Variants in MGA observed in about 807,000 individuals in gnomAD.
MGA encodes the protein MAX dimerization protein MGA, also known as MAX gene-associated protein.
MGA carries 40 observed loss-of-function variants against 261.1 expected under a neutral mutation model. The ratio of observed to expected loss-of-function variants is 0.15; its 90% CI spans 0.12 to 0.20. MGA has a LOEUF of 0.20. MGA is among the 10% of genes least tolerant of loss of function. The pLI, the probability that MGA is intolerant of heterozygous loss-of-function variation, is 1.00. For missense variants in MGA, 3,397 were observed against 3,630.5 expected, an observed-to-expected ratio of 0.94 and a Z score of 1.65; for synonymous variants, 1,302 against 1,290.6, an observed-to-expected ratio of 1.01 and a Z score of -0.19.
chr15:41,640,338 G>A (rs954340284), intron 1 of MGA, among the ~76,000 whole-genome samples: 1 of 152,058 alleles, frequency 6.6e-6, no homozygotes, highest in African/African-American at 2.4e-5. Flanking sequence ...AGGAGTTGAG[G>A]TGCAACTTGG....
At chr15:41,634,698 T>C (rs1006955961) in intron 1 of MGA, among the ~76,000 whole-genome samples, 1 of 152,092 alleles carries the variant, frequency 6.6e-6, no homozygotes, top group African/African-American at 2.4e-5. Context: ...GGGATGAGTA[T>C]TGTGAGCTAA....
intron 2 of MGA, among the ~76,000 whole-genome samples, chr15:41,683,869 C>G (rs1269565373): frequency 6.6e-6 from 1 of 152,094 alleles, no homozygotes; most frequent in Admixed American, 6.5e-5. Flanking sequence ...GCGTGACCCA[C>G]CGTGCATGGC....
At chr15:41,722,121 AATTTTTTTTTTTTTT>A (rs2060973989) in intron 9 of MGA, among the ~76,000 whole-genome samples, 1 of 123,402 alleles carries the variant, frequency 8.1e-6, no homozygotes, top group Non-Finnish European at 1.6e-5. Context: ...AAAGTAGGCC[AATTTTTTTTTTTTTT>A]TTTTTTTTTT....
chr15:41,716,265 G>A (rs1399661444), intron 9 of MGA, among the ~76,000 whole-genome samples: 1 of 151,182 alleles, frequency 6.6e-6, no homozygotes, highest in African/African-American at 2.4e-5. Context: ...GGCTAACACG[G>A]TGAAACCCCG....
At chr15:41,755,981 T>C (rs1313415261) in intron 18 of MGA, among the ~76,000 whole-genome samples, 2 of 151,992 alleles carry the variant, frequency 1.3e-5, no homozygotes, top group Non-Finnish European at 1.5e-5. Flanking sequence ...ACTGTGCCAC[T>C]GTACTCCAGC....
At chr15:41,713,588 C>A (rs1464403588) in intron 9 of MGA, 92 bp downstream of exon 9, 15 of 1,364,936 alleles carry the variant, frequency 1.1e-5, no homozygotes, top group Non-Finnish European at 1.4e-5. Context: ...TAATCCCGAT[C>A]AATTATCCAA....
upstream of MGA, among the ~76,000 whole-genome samples, chr15:41,658,919 C>G (rs2057269532): frequency 6.6e-6 from 1 of 151,940 alleles, no homozygotes; most frequent in Non-Finnish European, 1.5e-5. Flanking sequence ...TATTTTAATG[C>G]TAAATCAACA....
Position 41,761,842 on chromosome 15 carries a change from C to G in MGA, c.7502C>G (p.Ser2501Cys), listed in dbSNP as rs762308325. ...AATATTCTGATACGGAAAGTATCGT[C>G]TCTTTCAGGTGAGATAAGTAAATAA... The change falls in exon 21 of 24, where the codon TCT becomes TGT. Residue 2501 changes from serine (S) to cysteine (C), a missense_variant. This residue lies in a region of MGA where 50 missense variants were observed against 121.5 expected (regional missense o/e 0.41). Transcript: ENST00000219905. The G allele has an allele frequency of 5.1e-6, 8 of 1,563,840 alleles. No individual in the cohort carries two copies. Among genetic ancestry groups the G allele is most frequent in the Non-Finnish European group, 7.0e-6 (8 of 1,147,820 alleles).
chr15:41,766,932 T>G lies in MGA; in HGVS notation c.8850T>G (p.Asn2950Lys). The stretch of plus-strand genomic sequence containing the variant: ...AGAAAGCTATTGATGGAGGGAAGAA[T>G]ACTTCTGGCCTCCCTGCAGAGCCCG... Residue 2950 changes from asparagine to lysine, a missense_variant, in exon 24 of 24, where the codon AAT (asparagine) becomes AAG (lysine). By Grantham distance (94) the Asn-to-Lys change is moderately conservative. This residue lies in a region of MGA where 647 missense variants were observed against 642.4 expected (regional missense o/e 1.01). Coordinates refer to ENST00000219905, the MANE Select transcript of MGA (RefSeq NM_001164273.2). 4 of 1,614,016 alleles carry G rather than the reference T, an allele frequency of 2.5e-6. No individual in the cohort carries two copies. The highest frequency in any genetic ancestry group is 3.4e-6 in the Non-Finnish European group (4 of 1,179,878).
At chr15:41,675,552 G>C (rs1317577396) in intron 2 of MGA, among the ~76,000 whole-genome samples, 2 of 152,028 alleles carry the variant, frequency 1.3e-5, no homozygotes, top group East Asian at 3.9e-4. Flanking sequence ...TTTTAAAAAA[G>C]ATTTATGTAG....
chr15:41,725,853 A>AAAAT, intron 9 of MGA, among the ~76,000 whole-genome samples: 1 of 24,244 alleles, frequency 4.1e-5, no homozygotes, highest in Non-Finnish European at 7.7e-5. Context: ...AAAAAAAAAA[A>AAAAT]AAATAAATAA....
At chr15:41,738,796 C>T (rs1293331589) in intron 13 of MGA, among the ~76,000 whole-genome samples, 1 of 152,172 alleles carries the variant, frequency 6.6e-6, no homozygotes, top group Non-Finnish European at 1.5e-5. Context: ...TGAAAAGTTA[C>T]AGTAAAGTCT....
intron 13 of MGA, among the ~76,000 whole-genome samples, chr15:41,737,746 C>T (rs907144695): frequency 2.0e-5 from 3 of 150,856 alleles, no homozygotes; most frequent in East Asian, 2.0e-4. Flanking sequence ...TTTGGGAGGC[C>T]GAGGTGGTGG....
At chr15:41,629,618 A>T (rs2056544198) in intron 1 of MGA, among the ~76,000 whole-genome samples, 1 of 152,012 alleles carries the variant, frequency 6.6e-6, no homozygotes, top group Non-Finnish European at 1.5e-5. Flanking sequence ...GGCCCCAGCT[A>T]CTTGGGAAGC....
At chr15:41,652,894 T>G (rs2057095874) in intron 1 of MGA, among the ~76,000 whole-genome samples, 1 of 152,170 alleles carries the variant, frequency 6.6e-6, no homozygotes, top group Non-Finnish European at 1.5e-5. Flanking sequence ...CCTTATTTAC[T>G]TATGCTAATA....
Position 41,669,090 on chromosome 15 carries a change from C to A in MGA, c.196C>A (p.Leu66Ile), listed in dbSNP as rs1329466744. Reference sequence around the variant, plus strand: ...AGTAAAATCTAAAGGGAAGATTTGCCTTCCAGCTGATTGTACTGTGGGTGG... The same window carrying A: ...AGTAAAATCTAAAGGGAAGATTTGCATTCCAGCTGATTGTACTGTGGGTGG... Residue 66 changes from leucine (L) to isoleucine (I), a missense_variant, in exon 2 of 24, where the codon CTT becomes ATT. Physicochemically the swap from Leu to Ile is conservative, Grantham distance 5. Around this residue, in one of 9 missense-constraint regions of MGA, gnomAD observed 81 missense variants for 84.3 expected, o/e 0.96. Transcript: ENST00000219905. 4.3e-5 allele frequency: 69 copies of A among 1,609,740 alleles called. No individual in the cohort carries two copies. Among genetic ancestry groups the A allele is most frequent in the Admixed American group, 8.3e-5 (5 of 59,934 alleles).
rs11428325 is a variant in MGA at position 41,666,060 on chromosome 15, A to ATT, written c.-67-2753_-67-2752dup. ...CAGCCTCCTGGCCACCATACCTGCT[A>ATT]TTTTTTTTTTTTTTTTGGTAGAGAC... On this transcript the variant is annotated intron_variant, in intron 1 of 23. Transcript: ENST00000219905. Among the ~76,000 whole-genome samples the ATT allele has an allele frequency of 3.8e-3, 534 of 138,800 alleles. 7 individuals are homozygous for ATT. Among genetic ancestry groups the ATT allele is most frequent in the African/African-American group, 7.9e-3 (294 of 37,268 alleles). 91.1% of individuals were successfully genotyped at this position (138,800 alleles called of 152,430 possible).
chr15:41,707,199 A>G (rs1180393649), intron 5 of MGA, among the ~76,000 whole-genome samples: 1 of 152,208 alleles, frequency 6.6e-6, no homozygotes, highest in Admixed American at 6.5e-5. Flanking sequence ...ACTTAAAACG[A>G]TATATTTACT....
Position 41,737,760 on chromosome 15 carries a change from AC to A in MGA, c.4434+1064del, listed in dbSNP as rs564689231. Among the ~76,000 whole-genome samples, 67 of 151,680 alleles carry A rather than the reference AC, an allele frequency of 4.4e-4. No homozygotes were observed. In the South Asian group the frequency reaches 0.011, roughly 24 times the overall value. Reference sequence around the variant, plus strand: ...CTTTGGGAGGCCGAGGTGGTGGATCACCTAAGGCAAGGAGTTTGAGACTAGC... The same window carrying A: ...CTTTGGGAGGCCGAGGTGGTGGATCACTAAGGCAAGGAGTTTGAGACTAGC... On this transcript the variant is annotated intron_variant, in intron 13 of 23. Coordinates refer to ENST00000219905, the MANE Select transcript of MGA (RefSeq NM_001164273.2).
Sources: gnomAD v4.1 joint callset for allele counts (sites outside exome capture counted in the v4.1 genomes callset) on GRCh38, gnomAD v4.1.1 for gene constraint, gnomAD v4.1.1 regional missense constraint, MANE v1.5 for transcripts, NCBI Gene and HGNC (gene_info 2026-07-23, HGNC 2026-07-21) for gene names.